The following SLC25A26 variants were observed in gnomAD, a reference collection of about 807,000 sequenced individuals.
SLC25A26 encodes mitochondrial S-adenosylmethionine carrier protein.
SLC25A26 carries 36 observed loss-of-function variants against 37.8 expected under a neutral mutation model. The ratio of observed to expected loss-of-function variants is 0.95; its 90% CI spans 0.73 to 1.26. SLC25A26 has a LOEUF of 1.26. Ranked by LOEUF, SLC25A26 falls within the 50% of genes most tolerant of loss-of-function variation. SLC25A26 has a pLI of 0.00. For synonymous variants in SLC25A26, 129 were observed against 122.5 expected (o/e 1.05, Z -0.35); for missense variants, 390 against 331.1 (o/e 1.18, Z -1.38).
intron 5 of SLC25A26, among the ~76,000 whole-genome samples, chr3:66,303,456 G>C (rs1052965575): frequency 6.6e-6 from 1 of 152,198 alleles, no homozygotes; most frequent in Non-Finnish European, 1.5e-5. Flanking sequence ...GAGGTGGCTG[G>C]ATCAGATAAT....
At chr3:66,312,088 C>T (rs1421065925) in intron 5 of SLC25A26, among the ~76,000 whole-genome samples, 1 of 152,162 alleles carries the variant, frequency 6.6e-6, no homozygotes, top group Non-Finnish European at 1.5e-5. Context: ...GAAGCTGTGC[C>T]CACAGCTGCC....
chr3:66,285,885 C>CAGGGA (rs1257000721), intron 5 of SLC25A26, among the ~76,000 whole-genome samples: 1 of 152,136 alleles, frequency 6.6e-6, no homozygotes, highest in African/African-American at 2.4e-5. Context: ...GGAAATAATG[C>CAGGGA]AGGGAAGACC....
intron 3 of SLC25A26, among the ~76,000 whole-genome samples, chr3:66,245,097 G>A (rs1021770541): frequency 3.3e-5 from 5 of 151,710 alleles, no homozygotes; most frequent in African/African-American, 1.2e-4. Context: ...TGAAGAGATG[G>A]GGGTCTCTTT....
At chr3:66,283,105 A>C (rs994814275) in intron 5 of SLC25A26, among the ~76,000 whole-genome samples, 1 of 152,160 alleles carries the variant, frequency 6.6e-6, no homozygotes, top group Non-Finnish European at 1.5e-5. Context: ...CCTTTGATCT[A>C]TTGAAGGACA....
At chr3:66,184,146 A>G (rs915516471) in intron 1 of SLC25A26, among the ~76,000 whole-genome samples, 1 of 151,712 alleles carries the variant, frequency 6.6e-6, no homozygotes, top group African/African-American at 2.4e-5. Flanking sequence ...TCAATTTCTC[A>G]TCCTCACTCT....
At chr3:66,140,999 A>G (rs1576591064) in intron 1 of SLC25A26, among the ~76,000 whole-genome samples, 1 of 151,934 alleles carries the variant, frequency 6.6e-6, no homozygotes, top group Non-Finnish European at 1.5e-5. Flanking sequence ...TTACTAGTCA[A>G]CAGACTACAG....
rs79394916 is a variant in SLC25A26 at position 66,134,281 on chromosome 3, C to A, written c.-354+297C>A. ...TGTAATGTTAGCCCTGGTTACACAG[C>A]ACCATTAATTACTGAACATAAAAGT... On this transcript the variant is annotated intron_variant, in intron 1 of 10. Coordinates refer to the SLC25A26 transcript ENST00000676754. Among the ~76,000 whole-genome samples, 1,386 of 152,298 alleles carry A rather than the reference C, an allele frequency of 9.1e-3. 26 individuals are homozygous for A. The highest frequency in any genetic ancestry group is 0.032 in the African/African-American group (1,319 of 41,540).
intron 9 of SLC25A26, among the ~76,000 whole-genome samples, chr3:66,373,899 C>G (rs1700489864): frequency 6.6e-6 from 1 of 152,116 alleles, no homozygotes; most frequent in South Asian, 2.1e-4. Context: ...CCTCCCCCAA[C>G]AGCTCAAAGG....
chr3:66,346,261 C>T, intron 5 of SLC25A26, 103 bp from the exon 6 acceptor site: 2 of 566,990 alleles, frequency 3.5e-6, no homozygotes, highest in East Asian at 3.1e-5. Flanking sequence ...TTGATATTAG[C>T]TTTGTTATAA....
intron 6 of SLC25A26, among the ~76,000 whole-genome samples, chr3:66,356,723 G>A (rs1166769617): frequency 2.0e-5 from 3 of 152,132 alleles, no homozygotes; most frequent in Non-Finnish European, 2.9e-5. Context: ...CAACCTCCCA[G>A]GCTCAAGCAA....
intron 1 of SLC25A26, among the ~76,000 whole-genome samples, chr3:66,177,572 T>C (rs952331318): frequency 2.4e-4 from 36 of 152,344 alleles, no homozygotes; most frequent in Admixed American, 7.8e-4. Context: ...TTTTGCCCTA[T>C]GTAGAGCCTA....
At chr3:66,330,072 T>C (rs2075935361) in intron 5 of SLC25A26, among the ~76,000 whole-genome samples, 1 of 152,190 alleles carries the variant, frequency 6.6e-6, no homozygotes, top group East Asian at 1.9e-4. Context: ...TTATGCTTTC[T>C]GCTCATTTTT....
At chr3:66,247,389 C>T (rs965467720) in intron 3 of SLC25A26, among the ~76,000 whole-genome samples, 1 of 152,106 alleles carries the variant, frequency 6.6e-6, no homozygotes, top group African/African-American at 2.4e-5. Context: ...GCTGCTGTAG[C>T]CTGTAACTTC....
intron 5 of SLC25A26, among the ~76,000 whole-genome samples, chr3:66,291,427 C>G (rs1056337282): frequency 1.3e-5 from 2 of 152,122 alleles, no homozygotes; most frequent in Non-Finnish European, 2.9e-5. Flanking sequence ...CCTGCTTTCT[C>G]CTGTTGGCAT....
chr3:66,225,000 A>G (rs2071674272), intron 1 of SLC25A26, among the ~76,000 whole-genome samples: 1 of 152,096 alleles, frequency 6.6e-6, no homozygotes, highest in African/African-American at 2.4e-5. Flanking sequence ...TGTGGGATAC[A>G]GCTCCCCTCC....
chr3:66,244,827 A>G (rs934932170), intron 3 of SLC25A26, among the ~76,000 whole-genome samples: 5 of 151,916 alleles, frequency 3.3e-5, no homozygotes, highest in African/African-American at 7.2e-5. Flanking sequence ...AAAAAAAAAA[A>G]TTAGCCGGGT....
In SLC25A26 at chr3:66,236,324, A is replaced by G. The variant is rs149338577; in HGVS notation, c.34-220A>G. 5.8e-3 allele frequency among the ~76,000 whole-genome samples: 878 copies of G among 151,640 alleles called. 5 individuals carry two copies. Among genetic ancestry groups the G allele is most frequent in the African/African-American group, 0.019 (797 of 41,366 alleles). On this transcript the variant is annotated intron_variant, in intron 1 of 9. Coordinates refer to ENST00000354883, the MANE Select transcript of SLC25A26 (RefSeq NM_001379210.1). ...TTAAAAATTGATTTAAAAAGAAAAT[A>G]TAAAATTTACAACTTAAAAATATAG...
At chr3:66,179,706 C>A (rs1011740466) in intron 1 of SLC25A26, among the ~76,000 whole-genome samples, 1 of 151,872 alleles carries the variant, frequency 6.6e-6, no homozygotes, top group Admixed American at 6.6e-5. Flanking sequence ...ATAAGAACTT[C>A]TTGTTACTGG....
At chr3:66,161,555 G>A (rs2070360437) in intron 1 of SLC25A26, among the ~76,000 whole-genome samples, 1 of 152,166 alleles carries the variant, frequency 6.6e-6, no homozygotes, top group Non-Finnish European at 1.5e-5. Flanking sequence ...GACTGCGTAG[G>A]TCTCATGAGG....
Sources: allele counts gnomAD v4.1 joint callset (sites outside exome capture counted in the v4.1 genomes callset), GRCh38; gene constraint gnomAD v4.1.1; transcripts MANE v1.5; gene names NCBI Gene and HGNC (gene_info 2026-07-23, HGNC 2026-07-21).